Variants in CCDC7 observed in about 807,000 individuals in gnomAD.
The protein encoded by CCDC7 is coiled-coil domain containing 7.
In CCDC7, 183 loss-of-function variants were observed where a neutral mutation model predicts 196.9. That is an observed-to-expected ratio of 0.93 (90% CI 0.82 to 1.05). The LOEUF (loss-of-function observed/expected upper bound fraction) is 1.05. Ranked by LOEUF, CCDC7 falls within the 50% of genes least tolerant of loss-of-function variation. The probability of loss-of-function intolerance (pLI) is 0.00; values close to 1 mark genes in which losing one functional copy is unlikely to be tolerated. For synonymous variants in CCDC7, 525 were observed against 484.6 expected, an observed-to-expected ratio of 1.08 and a Z score of -1.10; for missense variants, 1,540 against 1,482.2, an observed-to-expected ratio of 1.04 and a Z score of -0.64.
At chr10:32,635,740 C>T (rs2065525139) in intron 20 of CCDC7, among the ~76,000 whole-genome samples, 1 of 151,930 alleles carries the variant, frequency 6.6e-6, no homozygotes, top group Non-Finnish European at 1.5e-5. Context: ...TTTTATATTT[C>T]ATCCTGGTAA....
chr10:32,817,902 G>T (rs1383525219), intron 31 of CCDC7, among the ~76,000 whole-genome samples: 1 of 152,108 alleles, frequency 6.6e-6, no homozygotes, highest in African/African-American at 2.4e-5. Flanking sequence ...GGTAAAGACT[G>T]TCAAGGCTAG....
chr10:32,570,005 C>A (rs1480333731), intron 15 of CCDC7, among the ~76,000 whole-genome samples: 2 of 152,126 alleles, frequency 1.3e-5, no homozygotes, highest in Non-Finnish European at 2.9e-5. Context: ...TGCTCATATA[C>A]CTTCATGGCT....
At chr10:32,596,121 C>T (rs1404517217) in intron 18 of CCDC7, among the ~76,000 whole-genome samples, 1 of 152,182 alleles carries the variant, frequency 6.6e-6, no homozygotes, top group Non-Finnish European at 1.5e-5. Flanking sequence ...TCTGGTCGAT[C>T]TGTCTAATGT....
At chr10:32,483,440 T>C (rs1479108196) in intron 8 of CCDC7, among the ~76,000 whole-genome samples, 3 of 152,236 alleles carry the variant, frequency 2.0e-5, no homozygotes, top group Non-Finnish European at 4.4e-5. Flanking sequence ...TCCCATTCTG[T>C]AGGTTGCCTG....
chr10:32,833,356 A>T (rs33961368), intron 32 of CCDC7, among the ~76,000 whole-genome samples: 26,969 of 89,602 alleles, frequency 0.3, 3,139 homozygotes, highest in Non-Finnish European at 0.38. Flanking sequence ...CTTTTTTTAA[A>T]AAAAAAAAAA....
rs747559585 is a variant in CCDC7, at chr10:32,805,033, TGA to T, written c.3036_3037del (p.Gly1013CysfsTer9). Reference sequence around the variant, plus strand: ...TCTATAGAGACTGATATAGAAAGCTTGAGAGGTGCTTTGGGAAGACGCTTATT... The same window carrying T: ...TCTATAGAGACTGATATAGAAAGCTTGAGGTGCTTTGGGAAGACGCTTATT... On this transcript the variant is annotated frameshift_variant, in exon 30 of 42. Transcript: ENST00000639629. LOFTEE classifies it high-confidence loss of function. The T allele has an allele frequency of 4.3e-6, 7 of 1,610,718 alleles. No individual in the cohort carries two copies. Among genetic ancestry groups the T allele is most frequent in the Middle Eastern group, 1.7e-4 (1 of 6,060 alleles).
At chr10:32,662,126 C>T (rs1266968313) in intron 20 of CCDC7, among the ~76,000 whole-genome samples, 1 of 152,182 alleles carries the variant, frequency 6.6e-6, no homozygotes, top group Non-Finnish European at 1.5e-5. Context: ...TCTGCCATGA[C>T]AGGGTAGCAC....
At chr10:32,626,096 G>A (rs1040250668) in intron 18 of CCDC7, among the ~76,000 whole-genome samples, 2 of 151,994 alleles carry the variant, frequency 1.3e-5, no homozygotes, top group African/African-American at 4.8e-5. Flanking sequence ...AAATGCAATT[G>A]CCAGATCATA....
At chr10:32,554,534 T>G (rs2054043657) in intron 13 of CCDC7, among the ~76,000 whole-genome samples, 2 of 152,206 alleles carry the variant, frequency 1.3e-5, no homozygotes, top group Admixed American at 6.5e-5. Flanking sequence ...GCTCTCTAAA[T>G]GGACTCAGTT....
At chr10:32,671,102 T>C (rs2073975613) in intron 21 of CCDC7, among the ~76,000 whole-genome samples, 1 of 152,182 alleles carries the variant, frequency 6.6e-6, no homozygotes, top group Non-Finnish European at 1.5e-5. Context: ...CAAAATTTAG[T>C]GTAACCCAAG....
At chr10:32,692,696 A>G (rs557637191) in intron 23 of CCDC7, among the ~76,000 whole-genome samples, 1 of 152,344 alleles carries the variant, frequency 6.6e-6, no homozygotes, top group South Asian at 2.1e-4. Flanking sequence ...TAACATGCCA[A>G]ACTCAAAGTA....
At chr10:32,597,522 A>C (rs1484696780) in intron 18 of CCDC7, among the ~76,000 whole-genome samples, 1 of 151,942 alleles carries the variant, frequency 6.6e-6, no homozygotes, top group Non-Finnish European at 1.5e-5. Flanking sequence ...TCTTGTCTCG[A>C]CTCATCAAAG....
At chr10:32,802,314 T>C (rs2084957453) in intron 29 of CCDC7, among the ~76,000 whole-genome samples, 1 of 152,212 alleles carries the variant, frequency 6.6e-6, no homozygotes, top group Admixed American at 6.5e-5. Context: ...CTTGCATCTC[T>C]TGAGCAGTGA....
At chr10:32,650,314 A>G (rs1199192282) in intron 20 of CCDC7, among the ~76,000 whole-genome samples, 1 of 152,200 alleles carries the variant, frequency 6.6e-6, no homozygotes, top group Non-Finnish European at 1.5e-5. Context: ...GCCATACGGT[A>G]GATGGTGCTT....
intron 18 of CCDC7, among the ~76,000 whole-genome samples, chr10:32,624,816 C>G (rs12098616): frequency 6.6e-6 from 1 of 151,844 alleles, no homozygotes; most frequent in Non-Finnish European, 1.5e-5. Flanking sequence ...ATGAAAAAGT[C>G]TATTTTGGTC....
At chr10:32,880,840 G>A (rs1381788477), downstream of CCDC7, among the ~76,000 whole-genome samples, 1 of 152,110 alleles carries the variant, frequency 6.6e-6, no homozygotes, top group Non-Finnish European at 1.5e-5. Flanking sequence ...AAGATCAGAT[G>A]GCTGTAGATG....
chr10:32,554,792 T>C (rs1208648834), intron 13 of CCDC7, among the ~76,000 whole-genome samples: 2 of 152,218 alleles, frequency 1.3e-5, no homozygotes, highest in African/African-American at 4.8e-5. Context: ...TATCAAATAC[T>C]AGATCTTACT....
intron 40 of CCDC7, among the ~76,000 whole-genome samples, chr10:32,853,344 A>G (rs992086812): frequency 2.6e-5 from 4 of 152,146 alleles, no homozygotes; most frequent in African/African-American, 7.2e-5. Flanking sequence ...TTGAATGAAA[A>G]CTATAATAGC....
chr10:32,865,037 A>C (rs1452969812), intron 41 of CCDC7, among the ~76,000 whole-genome samples: 1 of 151,904 alleles, frequency 6.6e-6, no homozygotes, highest in African/African-American at 2.4e-5. Context: ...ATAGGAGAAT[A>C]AGTTTGCGAC....
Sources: allele counts gnomAD v4.1 joint callset (sites outside exome capture counted in the v4.1 genomes callset), GRCh38; gene constraint gnomAD v4.1.1; transcripts MANE v1.5; gene names NCBI Gene and HGNC (gene_info 2026-07-23, HGNC 2026-07-21).